CCSER1: variants seen among roughly 807,000 people sequenced by gnomAD.
CCSER1 encodes the protein serine-rich coiled-coil domain-containing protein 1.
A neutral mutation model predicts 82.0 loss-of-function variants in CCSER1; 41 were observed. That is an observed-to-expected ratio of 0.50 (90% CI 0.39 to 0.65). The LOEUF (loss-of-function observed/expected upper bound fraction) is 0.65. Ranked by LOEUF, CCSER1 falls within the 30% of genes least tolerant of loss-of-function variation. The pLI, the probability that CCSER1 is intolerant of heterozygous loss-of-function variation, is 0.00. For synonymous variants in CCSER1, 414 were observed against 383.9 expected, an observed-to-expected ratio of 1.08 and a Z score of -0.92; for missense variants, 1,119 against 1,064.2, an observed-to-expected ratio of 1.05 and a Z score of -0.72.
intron 8 of CCSER1, among the ~76,000 whole-genome samples, chr4:90,893,875 C>T (rs540716982): frequency 2.0e-5 from 3 of 151,848 alleles, no homozygotes; most frequent in African/African-American, 7.2e-5. Flanking sequence ...TTTCCTGAAA[C>T]TCATTTCCCG....
At chr4:91,090,914 T>C (rs1723877317) in intron 10 of CCSER1, among the ~76,000 whole-genome samples, 1 of 152,178 alleles carries the variant, frequency 6.6e-6, no homozygotes, top group African/African-American at 2.4e-5. Flanking sequence ...TTCTCCATTT[T>C]GGGTCCAAGG....
chr4:91,186,588 T>C (rs1734561707), intron 10 of CCSER1, among the ~76,000 whole-genome samples: 1 of 151,974 alleles, frequency 6.6e-6, no homozygotes, highest in Admixed American at 6.6e-5. Flanking sequence ...CACAGAAATA[T>C]AGAGGTGCGC....
intron 9 of CCSER1, among the ~76,000 whole-genome samples, chr4:91,063,337 A>G (rs552488243): frequency 1.3e-5 from 2 of 152,274 alleles, no homozygotes; most frequent in Non-Finnish European, 2.9e-5. Context: ...GAGATAAGGC[A>G]TGTGATGTAA....
At chr4:90,910,572 T>C (rs1561345963) in intron 8 of CCSER1, among the ~76,000 whole-genome samples, 4 of 152,228 alleles carry the variant, frequency 2.6e-5, no homozygotes, top group African/African-American at 7.2e-5. Flanking sequence ...GCCCTATTAT[T>C]TCTTGTAAAA....
At chr4:90,963,238 A>G (rs1161757867) in intron 9 of CCSER1, among the ~76,000 whole-genome samples, 1 of 152,180 alleles carries the variant, frequency 6.6e-6, no homozygotes, top group African/African-American at 2.4e-5. Flanking sequence ...TGATCAGTAC[A>G]TCTATTGAAT....
intron 5 of CCSER1, among the ~76,000 whole-genome samples, chr4:90,469,288 T>C (rs138160045): frequency 6.6e-6 from 1 of 152,224 alleles, no homozygotes; most frequent in African/African-American, 2.4e-5. Context: ...ATGTATATAT[T>C]TGATTGCATG....
chr4:90,945,652 G>A (rs920860802), intron 9 of CCSER1, among the ~76,000 whole-genome samples: 6 of 152,064 alleles, frequency 3.9e-5, no homozygotes, highest in African/African-American at 1.4e-4. Flanking sequence ...TCAAGTCTCA[G>A]CACCTTTAGT....
intron 8 of CCSER1, among the ~76,000 whole-genome samples, chr4:90,901,198 T>A (rs1724603743): frequency 6.6e-6 from 1 of 152,026 alleles, no homozygotes; most frequent in African/African-American, 2.4e-5. Flanking sequence ...ATGAGATATG[T>A]CTCTTGAACG....
intron 8 of CCSER1, among the ~76,000 whole-genome samples, chr4:90,854,026 G>A (rs950112853): frequency 2.0e-5 from 3 of 152,052 alleles, no homozygotes; most frequent in African/African-American, 7.2e-5. Context: ...GTATAGTATG[G>A]CTCCTGATTA....
chr4:91,184,071 C>T (rs1452818507), intron 10 of CCSER1, among the ~76,000 whole-genome samples: 5 of 152,176 alleles, frequency 3.3e-5, no homozygotes, highest in African/African-American at 1.2e-4. Flanking sequence ...TTGTCAGGAG[C>T]TATAATTAAA....
At chr4:90,608,543 C>T (rs1785034444) in intron 5 of CCSER1, among the ~76,000 whole-genome samples, 1 of 152,162 alleles carries the variant, frequency 6.6e-6, no homozygotes, top group Non-Finnish European at 1.5e-5. Context: ...AAGGCATATA[C>T]ACCAGGGAGT....
chr4:90,802,903 T>G (rs77513609), intron 7 of CCSER1, among the ~76,000 whole-genome samples: 51,460 of 151,842 alleles, frequency 0.34, 8,884 homozygotes, highest in African/African-American at 0.41. Flanking sequence ...TTTCTTCTTT[T>G]TTTTTTTCAC....
intron 10 of CCSER1, among the ~76,000 whole-genome samples, chr4:91,401,569 C>T (rs1395659978): frequency 2.0e-5 from 3 of 151,872 alleles, no homozygotes; most frequent in Non-Finnish European, 4.4e-5. Context: ...CCATGACAGA[C>T]CCTGGTGTGT....
At chr4:91,519,571 A>G (rs1760338367) in intron 10 of CCSER1, among the ~76,000 whole-genome samples, 2 of 152,216 alleles carry the variant, frequency 1.3e-5, no homozygotes, top group African/African-American at 2.4e-5. Flanking sequence ...GGCTCTGCCC[A>G]GACTCTATAT....
chr4:91,591,123 C>T (rs1764248172), intron 10 of CCSER1, among the ~76,000 whole-genome samples: 1 of 152,036 alleles, frequency 6.6e-6, no homozygotes. Context: ...TCTGTAGGTA[C>T]AGGACAAGGA....
intron 3 of CCSER1, among the ~76,000 whole-genome samples, chr4:90,316,040 A>G (rs1736109678): frequency 6.6e-6 from 1 of 152,192 alleles, no homozygotes; most frequent in Non-Finnish European, 1.5e-5. Context: ...CAGTTATTTT[A>G]TTTTAAAGCA....
At chr4:90,184,886 G>C (rs1346520766) in intron 1 of CCSER1, among the ~76,000 whole-genome samples, 1 of 152,080 alleles carries the variant, frequency 6.6e-6, no homozygotes, top group Non-Finnish European at 1.5e-5. Context: ...GACAGTGACT[G>C]CTGCAGTTCT....
At chr4:91,259,329 C>G (rs1318190069) in intron 10 of CCSER1, among the ~76,000 whole-genome samples, 1 of 152,070 alleles carries the variant, frequency 6.6e-6, no homozygotes, top group African/African-American at 2.4e-5. Flanking sequence ...CATATTTGTT[C>G]TCAAAGCATT....
intron 10 of CCSER1, among the ~76,000 whole-genome samples, chr4:91,538,171 G>A (rs1017298467): frequency 1.1e-4 from 16 of 152,040 alleles, no homozygotes; most frequent in African/African-American, 3.9e-4. Flanking sequence ...TTCTTTCCTT[G>A]TAAATAACAT....
Sources: gnomAD v4.1 joint callset for allele counts (sites outside exome capture counted in the v4.1 genomes callset) on GRCh38, gnomAD v4.1.1 for gene constraint, MANE v1.5 for transcripts, NCBI Gene and HGNC (gene_info 2026-07-23, HGNC 2026-07-21) for gene names.